Variants in SPRED2 observed in about 807,000 individuals in gnomAD.
The protein encoded by SPRED2 is sprouty related EVH1 domain containing 2, also known as sprouty-related, EVH1 domain-containing protein 2.
A neutral mutation model predicts 43.0 loss-of-function variants in SPRED2; 47 were observed. The observed-to-expected ratio is 1.09, with a 90% CI of 0.87 to 1.40. The LOEUF (loss-of-function observed/expected upper bound fraction) is 1.40. Ranked by LOEUF, SPRED2 falls within the 40% of genes most tolerant of loss-of-function variation. SPRED2 has a pLI of 0.00. For synonymous variants in SPRED2, 225 were observed against 225.7 expected, an observed-to-expected ratio of 1.00 and a Z score of 0.03; for missense variants, 561 against 586.4, an observed-to-expected ratio of 0.96 and a Z score of 0.45.
chr2:65,409,672 A>G (rs2103756110), intron 1 of SPRED2, among the ~76,000 whole-genome samples: 1 of 150,074 alleles, frequency 6.7e-6, no homozygotes, highest in South Asian at 2.1e-4. Context: ...TTGAGTGCTA[A>G]TAAAACTCCA....
At chr2:65,327,004 C>T (rs1427707368) in intron 4 of SPRED2, among the ~76,000 whole-genome samples, 1 of 151,940 alleles carries the variant, frequency 6.6e-6, no homozygotes, top group East Asian at 1.9e-4. Flanking sequence ...CCATGCCTGG[C>T]TAATTTTTTT....
At chr2:65,335,136 C>T (rs371755953) in intron 2 of SPRED2, among the ~76,000 whole-genome samples, 2 of 152,134 alleles carry the variant, frequency 1.3e-5, no homozygotes, top group African/African-American at 4.8e-5. Flanking sequence ...AGCTTCCCTC[C>T]CCCGAGGCTC....
rs769491414 is a variant in SPRED2 at position 65,314,045 on chromosome 2, C to A, written c.713G>T (p.Gly238Val). ...YEDYRHAPVRGKYPDPSEDAD... is the reference protein window; with the variant it reads ...YEDYRHAPVRVKYPDPSEDAD... ...GTCCTCCGAGGGGTCCGGGTACTTGCCCCTGACGGGTGCGTGCCGGTAATC... is the reference window on the plus strand; with the variant it reads ...GTCCTCCGAGGGGTCCGGGTACTTGACCCTGACGGGTGCGTGCCGGTAATC... Residue 238 changes from glycine to valine, a missense_variant, in exon 6 of 6, where the codon GGC becomes GTC. Physicochemically the swap from Gly to Val is moderately radical, Grantham distance 109. Around this residue, in one of 6 missense-constraint regions of SPRED2, gnomAD observed 164 missense variants for 164.1 expected, o/e 1.00. Coordinates refer to ENST00000356388, the MANE Select transcript of SPRED2 (RefSeq NM_181784.3). 2 of 1,614,028 alleles carry A rather than the reference C, an allele frequency of 1.2e-6. No individual in the cohort carries two copies. Among genetic ancestry groups the A allele is most frequent in the African/African-American group, 1.3e-5 (1 of 74,938 alleles).
At chr2:65,396,569 TC>T (rs1675762334) in intron 1 of SPRED2, among the ~76,000 whole-genome samples, 2 of 152,128 alleles carry the variant, frequency 1.3e-5, no homozygotes, top group African/African-American at 4.8e-5. Context: ...AAGAGGGAGT[TC>T]CAAGCTTTGA....
At chr2:65,351,243 A>G (rs1220371520) in intron 1 of SPRED2, among the ~76,000 whole-genome samples, 2 of 152,142 alleles carry the variant, frequency 1.3e-5, no homozygotes, top group African/African-American at 2.4e-5. Flanking sequence ...TCAGGTTTAT[A>G]AAGACCAGGT....
chr2:65,419,531 CAA>C (rs1425460553), intron 1 of SPRED2, among the ~76,000 whole-genome samples: 2 of 151,834 alleles, frequency 1.3e-5, no homozygotes, highest in Admixed American at 6.6e-5. Context: ...CACAAGGACT[CAA>C]AGGGAAAAAA....
intron 1 of SPRED2, among the ~76,000 whole-genome samples, chr2:65,385,794 G>A (rs1229725212): frequency 1.3e-5 from 2 of 152,190 alleles, no homozygotes; most frequent in African/African-American, 4.8e-5. Flanking sequence ...GAGCAAAGCG[G>A]CAGAAGAGAC....
At chr2:65,320,922 C>A (rs1166449292) in intron 4 of SPRED2, among the ~76,000 whole-genome samples, 1 of 152,186 alleles carries the variant, frequency 6.6e-6, no homozygotes, top group Admixed American at 6.5e-5. Flanking sequence ...ATACCTAATA[C>A]ACAAGCAAGA....
intron 1 of SPRED2, among the ~76,000 whole-genome samples, chr2:65,354,097 G>A (rs563338343): frequency 3.3e-5 from 5 of 152,338 alleles, no homozygotes; most frequent in African/African-American, 1.2e-4. Flanking sequence ...GCTTTACAGA[G>A]GCTTAGGAGC....
chr2:65,418,115 G>T (rs1676331052), intron 1 of SPRED2, among the ~76,000 whole-genome samples: 1 of 152,168 alleles, frequency 6.6e-6, no homozygotes, highest in Non-Finnish European at 1.5e-5. Flanking sequence ...CTGTCAGACA[G>T]AATTATTAGT....
At chr2:65,401,937 G>GTGCACACACA (rs1553426614) in intron 1 of SPRED2, among the ~76,000 whole-genome samples, 1 of 114,714 alleles carries the variant, frequency 8.7e-6, no homozygotes, top group Admixed American at 8.1e-5. Flanking sequence ...GCGCGCGCGC[G>GTGCACACACA]CACACACACA....
At chr2:65,325,279 C>G (rs1349134398) in intron 4 of SPRED2, among the ~76,000 whole-genome samples, 1 of 152,248 alleles carries the variant, frequency 6.6e-6, no homozygotes, top group East Asian at 1.9e-4. Context: ...CAAGCCCTCT[C>G]TGACCAGCCC....
At chr2:65,317,344 C>T (rs1289353470) in intron 4 of SPRED2, among the ~76,000 whole-genome samples, 1 of 152,138 alleles carries the variant, frequency 6.6e-6, no homozygotes, top group African/African-American at 2.4e-5. Context: ...AAAACCCTGT[C>T]TCTACTAAAA....
chr2:65,327,767 A>C (rs1673680282), intron 4 of SPRED2, among the ~76,000 whole-genome samples: 1 of 116,552 alleles, frequency 8.6e-6, no homozygotes. Context: ...TCTGTCGCCC[A>C]GGCTGGAGTG....
At chr2:65,321,503 C>CT (rs1433555029) in intron 4 of SPRED2, among the ~76,000 whole-genome samples, 1 of 42,474 alleles carries the variant, frequency 2.4e-5, no homozygotes, top group African/African-American at 1.2e-4. Flanking sequence ...AAGACCCTGT[C>CT]TAAAAAAAAA....
In SPRED2 at chr2:65,344,810, A is replaced by C; in HGVS notation, c.113T>G (p.Ile38Ser). 6.2e-7 allele frequency: 1 copy of C among 1,614,142 alleles called. No homozygotes were observed. Among genetic ancestry groups the C allele is most frequent in the Non-Finnish European group, 8.5e-7 (1 of 1,180,022 alleles). ...GGWFPQEGGG[I>S]SRVGVCKVMH... ...GACCTTACAGACCCCGACGCGACTG[A>C]TCCCGCCTCCTTCCTGTGGGAACCA... The change falls in exon 2 of 6, where the codon ATC becomes AGC. Residue 38 changes from isoleucine to serine, a missense_variant. By Grantham distance (142) the Ile-to-Ser change is moderately radical. Around this residue, in one of 6 missense-constraint regions of SPRED2, gnomAD observed 305 missense variants for 282.4 expected, o/e 1.08. Coordinates refer to ENST00000356388, the MANE Select transcript of SPRED2 (RefSeq NM_181784.3).
At chr2:65,377,719 G>A (rs749137792) in intron 1 of SPRED2, 1 of 471,058 alleles carries the variant, frequency 2.1e-6, no homozygotes, top group Non-Finnish European at 4.4e-6. Context: ...TGTGGGTGTT[G>A]GCTGGTCCTT....
At chr2:65,401,932 C>CGTGCGT (rs776711133) in intron 1 of SPRED2, among the ~76,000 whole-genome samples, 1 of 117,890 alleles carries the variant, frequency 8.5e-6, no homozygotes. Context: ...TATTAGCGCG[C>CGTGCGT]GCGCGCACAC....
chr2:65,313,654 A>G lies in SPRED2; in HGVS notation c.1104T>C (p.Asp368=), dbSNP rs1381370478. The part of the protein sequence containing the change: ...EGDYTDPCSC[D]TSDEKFCLRW... Reference sequence around the variant, plus strand: ...GGAGGCAAAACTTCTCGTCGCTAGTATCGCACGAGCAAGGGTCTGTATAGT... The same window carrying G: ...GGAGGCAAAACTTCTCGTCGCTAGTGTCGCACGAGCAAGGGTCTGTATAGT... Residue 368 remains aspartate, a synonymous_variant, in exon 6 of 6, where the codon GAT becomes GAC. Coordinates refer to ENST00000356388, the MANE Select transcript of SPRED2 (RefSeq NM_181784.3). The G allele has an allele frequency of 8.7e-6, 14 of 1,614,230 alleles. No homozygotes were observed. The highest frequency in any genetic ancestry group is 1.2e-5 in the Non-Finnish European group (14 of 1,180,036).
Sources: gnomAD v4.1 joint callset for allele counts (sites outside exome capture counted in the v4.1 genomes callset) on GRCh38, gnomAD v4.1.1 for gene constraint, gnomAD v4.1.1 regional missense constraint, MANE v1.5 for transcripts, NCBI Gene and HGNC (gene_info 2026-07-23, HGNC 2026-07-21) for gene names.